Variants in PLEKHG7 observed in about 807,000 individuals in gnomAD.
PLEKHG7 encodes pleckstrin homology domain-containing family G member 7.
A neutral mutation model predicts 85.2 loss-of-function variants in PLEKHG7; 77 were observed. The observed-to-expected ratio is 0.90, with a 90% CI of 0.75 to 1.09. The LOEUF (loss-of-function observed/expected upper bound fraction) is 1.09, where lower values mean the gene tolerates loss of function less well. Ranked by LOEUF, PLEKHG7 falls within the 50% of genes least tolerant of loss-of-function variation. PLEKHG7 has a pLI of 0.00. For missense variants in PLEKHG7, 777 were observed against 804.3 expected, an observed-to-expected ratio of 0.97 and a Z score of 0.41; for synonymous variants, 301 against 302.4, an observed-to-expected ratio of 1.00 and a Z score of 0.05.
chr12:92,756,192 C>A, intron 12 of PLEKHG7, 106 bp from the exon 13 acceptor site: 1 of 849,146 alleles, frequency 1.2e-6, no homozygotes, highest in Non-Finnish European at 1.9e-6. Flanking sequence ...CTGGCATTTC[C>A]AAATGTCATG....
intron 3 of PLEKHG7, among the ~76,000 whole-genome samples, chr12:92,728,515 T>TATAAATATATATAC (rs1871889560): frequency 8.2e-6 from 1 of 122,234 alleles, no homozygotes; most frequent in East Asian, 3.2e-4. Context: ...TATATGTATA[T>TATAAATATATATAC]ACCACATCCC....
At chr12:92,761,678 GAA>G (rs147379257) in intron 13 of PLEKHG7, 72 bp from the exon 14 acceptor site, 1 of 1,270,516 alleles carries the variant, frequency 7.9e-7, no homozygotes, top group South Asian at 1.9e-5. Flanking sequence ...AAGAAAGAAA[GAA>G]AGAAAGGGAA....
chr12:92,706,370 A>T, intron 1 of PLEKHG7, 101 bp from the exon 2 acceptor site: 1 of 411,162 alleles, frequency 2.4e-6, no homozygotes, highest in East Asian at 4.1e-5. Flanking sequence ...TCTATTGCCT[A>T]TGAAGAATTA....
At chr12:92,754,837 T>TCTGA (rs1183218729) in intron 11 of PLEKHG7, among the ~76,000 whole-genome samples, 2 of 152,166 alleles carry the variant, frequency 1.3e-5, no homozygotes, top group Non-Finnish European at 2.9e-5. Flanking sequence ...AAACCAAGAT[T>TCTGA]TTCCTCGTGG....
intron 8 of PLEKHG7, 23 bp from the exon 9 acceptor site, chr12:92,741,468 G>T (rs758320870): frequency 6.4e-7 from 1 of 1,561,450 alleles, no homozygotes; most frequent in Non-Finnish European, 8.7e-7. Flanking sequence ...GCCTATTTTT[G>T]TTTTCTTTCT....
At chr12:92,736,603 G>A (rs1481733424) in intron 6 of PLEKHG7, 26 bp downstream of exon 6, 3 of 1,197,762 alleles carry the variant, frequency 2.5e-6, no homozygotes, top group Non-Finnish European at 3.1e-6. Context: ...TTAACTATGG[G>A]GTTTGACTTT....
chr12:92,715,496 A>G (rs1157006821), intron 3 of PLEKHG7, among the ~76,000 whole-genome samples: 1 of 152,024 alleles, frequency 6.6e-6, no homozygotes, highest in Admixed American at 6.6e-5. Context: ...CAAAAACAAA[A>G]ACAAAAACAA....
At chr12:92,721,603 T>TAG in intron 3 of PLEKHG7, 1 of 1,126,984 alleles carries the variant, frequency 8.9e-7, no homozygotes, top group Non-Finnish European at 1.1e-6. Flanking sequence ...TGTCCTGCTC[T>TAG]AGAGAGCTGC....
In PLEKHG7 at chr12:92,706,991, C is replaced by T; in HGVS notation, c.360C>T (p.Asp120=). The change falls in exon 2 of 17, where the codon GAC becomes GAT. Residue 120 remains aspartate (D), a synonymous_variant. Transcript: ENST00000344636. ...CTGAAAGGGCCCTGAATGCAGCTGACTCACTGGAGCCCCAAACCCGGCCCA... is the reference window on the plus strand; with the variant it reads ...CTGAAAGGGCCCTGAATGCAGCTGATTCACTGGAGCCCCAAACCCGGCCCA... ...SEPERALNAA[D]SLEPQTRPTD... 1 of 1,614,210 alleles carries T rather than the reference C, an allele frequency of 6.2e-7. No individual in the cohort carries two copies. The highest frequency in any genetic ancestry group is 8.5e-7 in the Non-Finnish European group (1 of 1,180,034).
rs1176053520 is a variant in PLEKHG7, at chr12:92,771,459, TATA to T, written c.*1270_*1272del. 6.6e-5 allele frequency: 10 copies of T among 152,126 alleles called. No individual in the cohort carries two copies. In the East Asian group the frequency reaches 1.2e-3, roughly 18 times the overall value. The allele number at this position is 152,126 out of a possible 1,614,324, so 9.4% of individuals were successfully genotyped here. ...TTAGAATGGAGACTAATAACCTCTTTATAATAATGTCAGAAATTTAATAGAAGA... is the reference window on the plus strand; with the variant it reads ...TTAGAATGGAGACTAATAACCTCTTTATAATGTCAGAAATTTAATAGAAGA... On this transcript the variant is annotated 3_prime_UTR_variant, in exon 17 of 17. Transcript: ENST00000344636.
intron 3 of PLEKHG7, among the ~76,000 whole-genome samples, chr12:92,722,613 T>C (rs921820997): frequency 7.2e-5 from 11 of 152,286 alleles, no homozygotes; most frequent in Non-Finnish European, 1.5e-4. Flanking sequence ...ACCTTTGTGC[T>C]CCCAAATGGA....
intron 3 of PLEKHG7, among the ~76,000 whole-genome samples, chr12:92,709,983 T>G (rs943267549): frequency 1.3e-5 from 2 of 152,202 alleles, no homozygotes; most frequent in Non-Finnish European, 2.9e-5. Flanking sequence ...AGTGTCCAGG[T>G]GGCAATTTTA....
At chr12:92,744,884 T>C (rs1872482623) in intron 9 of PLEKHG7, among the ~76,000 whole-genome samples, 1 of 152,114 alleles carries the variant, frequency 6.6e-6, no homozygotes, top group Non-Finnish European at 1.5e-5. Flanking sequence ...CACAGGCTAG[T>C]CTCGAACTCC....
chr12:92,721,702 CAAA>C (rs71069170), intron 3 of PLEKHG7, among the ~76,000 whole-genome samples: 17,048 of 42,424 alleles, frequency 0.4, 1,263 homozygotes, highest in East Asian at 0.59. Flanking sequence ...AGCATAAAAC[CAAA>C]AAAAAAAAAA....
At chr12:92,738,816 G>A (rs1872261245) in intron 7 of PLEKHG7, among the ~76,000 whole-genome samples, 1 of 152,172 alleles carries the variant, frequency 6.6e-6, no homozygotes, top group Admixed American at 6.5e-5. Flanking sequence ...GTTATTTTCT[G>A]TAAGTAATAT....
intron 3 of PLEKHG7, 92 bp from the exon 4 acceptor site, chr12:92,728,901 C>T (rs1448299136): frequency 9.7e-7 from 1 of 1,031,994 alleles, no homozygotes; most frequent in African/African-American, 1.7e-5. Context: ...ACCACGCCAA[C>T]ATCTGTTGTT....
At chr12:92,709,981 G>A (rs1205238484) in intron 3 of PLEKHG7, among the ~76,000 whole-genome samples, 2 of 152,164 alleles carry the variant, frequency 1.3e-5, no homozygotes, top group Non-Finnish European at 2.9e-5. Context: ...AAAGTGTCCA[G>A]GTGGCAATTT....
intron 3 of PLEKHG7, among the ~76,000 whole-genome samples, chr12:92,726,792 A>G (rs1184489431): frequency 6.6e-6 from 1 of 152,200 alleles, no homozygotes; most frequent in Non-Finnish European, 1.5e-5. Context: ...GGGCAGAGGA[A>G]AGGAGAAGGT....
At chr12:92,708,093 A>G (rs1592671263) in intron 3 of PLEKHG7, 1 of 198,008 alleles carries the variant, frequency 5.1e-6, no homozygotes, top group African/African-American at 2.3e-5. Context: ...ATAACCTGTT[A>G]TGACAGACTG....
Sources: gnomAD v4.1 joint callset for allele counts (sites outside exome capture counted in the v4.1 genomes callset) on GRCh38, gnomAD v4.1.1 for gene constraint, MANE v1.5 for transcripts, NCBI Gene and HGNC (gene_info 2026-07-23, HGNC 2026-07-21) for gene names.